The following QRSL1 variants were observed in gnomAD, a reference collection of about 807,000 sequenced individuals.
The protein encoded by QRSL1 is glutaminyl-tRNA amidotransferase subunit QRSL1, also known as glutamyl-tRNA(Gln) amidotransferase subunit A, mitochondrial.
A neutral mutation model predicts 61.6 loss-of-function variants in QRSL1; 54 were observed. The observed-to-expected ratio is 0.88, with a 90% CI of 0.70 to 1.10. QRSL1 has a LOEUF of 1.10. Ranked by LOEUF, QRSL1 falls within the 50% of genes least tolerant of loss-of-function variation. The pLI is 0.00. For synonymous variants in QRSL1, 228 were observed against 225.7 expected (o/e 1.01, Z -0.09); for missense variants, 505 against 622.6 (o/e 0.81, Z 2.01).
chr6:106,640,263 C>A, intron 1 of QRSL1, 86 bp from the exon 2 acceptor site: 2 of 1,202,694 alleles, frequency 1.7e-6, no homozygotes, highest in South Asian at 1.3e-5. Context: ...TATACTTAGC[C>A]ACTCCATCTC....
rs138916633 is a variant in QRSL1 at position 106,638,293 on chromosome 6, G to A, written c.25-2056G>A. 1.9e-4 allele frequency among the ~76,000 whole-genome samples: 26 copies of A among 136,036 alleles called. 1 individual carries two copies. The East Asian group carries it at 4.0e-3, about 21-fold the overall frequency. The allele number at this position is 136,036 out of a possible 152,430, so 89.2% of individuals were successfully genotyped here. A position where few individuals can be genotyped will look rare whatever the true frequency, so the allele number is the denominator to read the frequency against. ...TTCCTTCTAGCTTCTTTCTTCTAGA[G>A]GGTTTACATTTCTTTTTTTTTCTTT... On this transcript the variant is annotated intron_variant, in intron 1 of 10. Coordinates refer to ENST00000369046, the MANE Select transcript of QRSL1 (RefSeq NM_018292.5).
At chr6:106,647,156 C>A (rs1311989900) in intron 4 of QRSL1, among the ~76,000 whole-genome samples, 1 of 150,150 alleles carries the variant, frequency 6.7e-6, no homozygotes, top group Non-Finnish European at 1.5e-5. Context: ...ATTTGCAAAA[C>A]ATGTATCTCA....
Position 106,652,341 on chromosome 6 carries a change from A to G in QRSL1, c.690A>G (p.Pro230=), listed in dbSNP as rs1442307840. The G allele has an allele frequency of 1.2e-6, 2 of 1,614,196 alleles. No homozygotes were observed. The highest frequency in any genetic ancestry group is 1.7e-6 in the Non-Finnish European group (2 of 1,180,040). The change falls in exon 6 of 11, where the codon CCA becomes CCG. Residue 230 remains proline, a synonymous_variant. Transcript: ENST00000369046. ...LIPLVNSMDV[P]GILTRCVDDA... ...CCCTGGTGAATTCGATGGATGTGCC[A>G]GGAATCTTAACCAGATGTGTGGATG...
chr6:106,657,490 A>G (rs72946537), intron 9 of QRSL1, among the ~76,000 whole-genome samples: 7,900 of 152,186 alleles, frequency 0.052, 258 homozygotes, highest in Middle Eastern at 0.082. Context: ...AGGTCAATGT[A>G]ACAGCATAAA....
chr6:106,641,032 A>G, intron 3 of QRSL1, 111 bp downstream of exon 3: 1 of 746,982 alleles, frequency 1.3e-6, no homozygotes, highest in Non-Finnish European at 2.1e-6. Flanking sequence ...TTTGAAGGAA[A>G]TATTTAGAAT....
In QRSL1 at chr6:106,666,064, A is replaced by G; in HGVS notation, c.*62A>G. The G allele has an allele frequency of 7.0e-7, 1 of 1,429,530 alleles. No individual in the cohort carries two copies. Among genetic ancestry groups the G allele is most frequent in the East Asian group, 2.3e-5 (1 of 42,936 alleles). 88.6% of individuals were successfully genotyped at this position (1,429,530 alleles called of 1,614,324 possible). On this transcript the variant is annotated 3_prime_UTR_variant, in exon 11 of 11. Transcript: ENST00000369046. ...TGCAGTGGCTCACACCTGTAATCCC[A>G]GCACTTTGGGAGGCCAAGGCGAGCG...
chr6:106,647,577 G>C, intron 4 of QRSL1, among the ~76,000 whole-genome samples: 1 of 129,272 alleles, frequency 7.7e-6, no homozygotes. Context: ...AAAAAAGAGA[G>C]AGACAATGAT....
intron 1 of QRSL1, among the ~76,000 whole-genome samples, chr6:106,639,128 T>G (rs1354740428): frequency 1.9e-4 from 26 of 139,910 alleles, no homozygotes; most frequent in Non-Finnish European, 2.3e-4. Context: ...TGTTTTTTTT[T>G]TTTTTTTTTT....
chr6:106,634,718 A>G (rs924450687), intron 1 of QRSL1, among the ~76,000 whole-genome samples: 1 of 152,036 alleles, frequency 6.6e-6, no homozygotes, highest in African/African-American at 2.4e-5. Flanking sequence ...GTGAGGCGAG[A>G]TCACATCCGT....
At chr6:106,648,550 G>A (rs908292113) in intron 4 of QRSL1, among the ~76,000 whole-genome samples, 7 of 152,120 alleles carry the variant, frequency 4.6e-5, no homozygotes, top group Non-Finnish European at 8.8e-5. Flanking sequence ...GTTGACCGTA[G>A]GTATGTCTGG....
chr6:106,653,326 C>G (rs1318487539), intron 7 of QRSL1: 1 of 152,562 alleles, frequency 6.6e-6, no homozygotes, highest in African/African-American at 2.4e-5. Flanking sequence ...GGGAGACTGT[C>G]CTGTGCATTG....
At chr6:106,660,330 AC>A (rs144893607) in intron 9 of QRSL1, among the ~76,000 whole-genome samples, 6,376 of 112,284 alleles carry the variant, frequency 0.057, 317 homozygotes, top group East Asian at 0.23. Context: ...AACACTCCCC[AC>A]CCCCCCCGTG....
chr6:106,661,775 G>T (rs1175256328), intron 9 of QRSL1, among the ~76,000 whole-genome samples: 1 of 122,186 alleles, frequency 8.2e-6, no homozygotes, highest in Non-Finnish European at 1.6e-5. Context: ...GCAATGGAGC[G>T]ATCCCAGCTC....
Position 106,654,829 on chromosome 6 carries a change from C to T in QRSL1, c.949C>T (p.Leu317Phe), listed in dbSNP as rs1459826799. ...SEGAKVIEVSLPHTSYSIVCY... is the reference protein window; with the variant it reads ...SEGAKVIEVSFPHTSYSIVCY... ...GGGGGCCAAAGTAATTGAAGTATCCCTTCCTCACACCAGTTATTCAATTGT... is the reference window on the plus strand; with the variant it reads ...GGGGGCCAAAGTAATTGAAGTATCCTTTCCTCACACCAGTTATTCAATTGT... The change falls in exon 8 of 11, where the codon CTT (leucine) becomes TTT (phenylalanine). Residue 317 changes from leucine (L) to phenylalanine (F), a missense_variant. Transcript: ENST00000369046. 1 of 1,613,788 alleles carries T rather than the reference C, an allele frequency of 6.2e-7. No individual in the cohort carries two copies. Among genetic ancestry groups the T allele is most frequent in the Non-Finnish European group, 8.5e-7 (1 of 1,179,722 alleles).
intron 1 of QRSL1, among the ~76,000 whole-genome samples, chr6:106,634,996 A>G (rs1473722808): frequency 2.0e-5 from 3 of 152,052 alleles, no homozygotes; most frequent in Non-Finnish European, 2.9e-5. Context: ...GGGGAAGGTT[A>G]TCAAGAGTTT....
chr6:106,666,001 A>G lies in QRSL1; in HGVS notation c.1586A>G (p.Ter529=), dbSNP rs1012579819. The G allele has an allele frequency of 1.2e-6, 2 of 1,612,558 alleles. No individual in the cohort carries two copies. Among genetic ancestry groups the G allele is most frequent in the South Asian group, 1.1e-5 (1 of 91,020 alleles). Reference sequence around the variant, plus strand: ...TTAGCCTCTGTCTCTCTAAAACAGTAAACATATCTTACAAATTAAAATGAC... The same window carrying G: ...TTAGCCTCTGTCTCTCTAAAACAGTGAACATATCTTACAAATTAAAATGAC... ...EKLASVSLKQ[*] is the part of the protein sequence containing the mutation. Residue 529 remains the stop codon, a stop_retained_variant, in exon 11 of 11, where the codon TAA becomes TGA. Transcript: ENST00000369046.
intron 1 of QRSL1, among the ~76,000 whole-genome samples, chr6:106,639,112 T>TG (rs1562164993): frequency 2.6e-5 from 2 of 75,900 alleles, no homozygotes; most frequent in African/African-American, 1.1e-4. Flanking sequence ...TATTTGTGTG[T>TG]TTTGTTGTTT....
At chr6:106,654,162 A>G (rs577090178) in intron 7 of QRSL1, among the ~76,000 whole-genome samples, 9 of 152,232 alleles carry the variant, frequency 5.9e-5, no homozygotes, top group African/African-American at 2.2e-4. Context: ...CCATCCTAAC[A>G]CAGTGAAACC....
At chr6:106,642,144 C>T (rs1002111365) in intron 3 of QRSL1, among the ~76,000 whole-genome samples, 3 of 152,182 alleles carry the variant, frequency 2.0e-5, no homozygotes, top group Non-Finnish European at 4.4e-5. Flanking sequence ...GCAACTTCCA[C>T]CTCCTGGGTT....
Sources: allele counts gnomAD v4.1 joint callset (sites outside exome capture counted in the v4.1 genomes callset), GRCh38; gene constraint gnomAD v4.1.1; transcripts MANE v1.5; gene names NCBI Gene and HGNC (gene_info 2026-07-23, HGNC 2026-07-21).